Variants in PDE4D observed in about 807,000 individuals in gnomAD.
PDE4D encodes phosphodiesterase 4D.
Under a neutral mutation model 87.4 loss-of-function variants are expected in PDE4D, and 24 were observed. That is an observed-to-expected ratio of 0.27 (90% CI 0.20 to 0.39). The LOEUF is 0.39. Among genes scored for constraint, PDE4D ranks in the 10% least tolerant of loss-of-function variants. PDE4D has a pLI of 1.00. For missense variants in PDE4D, 714 were observed against 1,041.0 expected (o/e 0.69, Z 4.32); for synonymous variants, 384 against 383.2 (o/e 1.00, Z -0.02).
chr5:59,329,924 T>C (rs1330401837), intron 1 of PDE4D, among the ~76,000 whole-genome samples: 1 of 152,212 alleles, frequency 6.6e-6, no homozygotes. Flanking sequence ...TTTGCAGATA[T>C]ATGACATTAA....
rs555156522 is a variant in PDE4D, at chr5:59,273,423, A to T, written c.456-57455T>A. 2.2e-3 allele frequency among the ~76,000 whole-genome samples: 316 copies of T among 144,242 alleles called. 4 individuals carry two copies. Among genetic ancestry groups the T allele is most frequent in the African/African-American group, 7.2e-3 (292 of 40,492 alleles). The allele number at this position is 144,242 out of a possible 152,430, so 94.6% of individuals were successfully genotyped here. ...TAATCTATATTGATTTTATACATGT[A>T]ATTAAATAAATAAATATAATAGATG... On this transcript the variant is annotated intron_variant, in intron 1 of 14. Transcript: ENST00000340635.
chr5:59,022,478 T>C (rs565630947), intron 6 of PDE4D, among the ~76,000 whole-genome samples: 5 of 152,290 alleles, frequency 3.3e-5, no homozygotes, highest in African/African-American at 1.2e-4. Flanking sequence ...ACACAACCTC[T>C]TAACAGGCTA....
chr5:59,236,689 T>C (rs774800756), intron 1 of PDE4D, among the ~76,000 whole-genome samples: 7 of 152,022 alleles, frequency 4.6e-5, no homozygotes, highest in Non-Finnish European at 1.0e-4. Context: ...CCACCTTCCT[T>C]GGTGGTGTCC....
At chr5:59,605,571 A>C (rs1467604166) in intron 1 of PDE4D, among the ~76,000 whole-genome samples, 1 of 152,164 alleles carries the variant, frequency 6.6e-6, no homozygotes, top group Admixed American at 6.6e-5. Flanking sequence ...AATTGATCTC[A>C]TTTATCCCAG....
At chr5:59,903,807 C>T (rs1752535481) in intron 3 of PDE4D, among the ~76,000 whole-genome samples, 1 of 152,154 alleles carries the variant, frequency 6.6e-6, no homozygotes, top group South Asian at 2.1e-4. Flanking sequence ...GTGTTCCCTG[C>T]CTGCCTCTCT....
chr5:59,052,314 T>G (rs1422701104), intron 5 of PDE4D, among the ~76,000 whole-genome samples: 1 of 152,194 alleles, frequency 6.6e-6, no homozygotes, highest in African/African-American at 2.4e-5. Context: ...CTGGCATTGT[T>G]TTCAGGTGTA....
At chr5:59,642,887 A>G (rs959142855) in intron 1 of PDE4D, among the ~76,000 whole-genome samples, 2 of 152,088 alleles carry the variant, frequency 1.3e-5, no homozygotes, top group African/African-American at 4.8e-5. Context: ...CTTCTAATAA[A>G]CTCTTGTTTA....
chr5:59,333,314 T>G (rs1475553795), intron 1 of PDE4D, among the ~76,000 whole-genome samples: 1 of 152,140 alleles, frequency 6.6e-6, no homozygotes, highest in Non-Finnish European at 1.5e-5. Flanking sequence ...CCTCAGGGAT[T>G]GTTATTAACT....
intron 1 of PDE4D, among the ~76,000 whole-genome samples, chr5:59,880,844 T>C (rs1236434426): frequency 1.3e-5 from 2 of 152,180 alleles, no homozygotes; most frequent in Non-Finnish European, 2.9e-5. Context: ...TTCTGAAATA[T>C]TGCTATAGTG....
chr5:59,892,903 CACACA>C (rs2152755832), intron 1 of PDE4D, among the ~76,000 whole-genome samples: 1 of 63,306 alleles, frequency 1.6e-5, no homozygotes, highest in East Asian at 2.6e-4. Context: ...GCACCACACA[CACACA>C]CACACACACA....
chr5:59,107,389 A>G (rs1176916565), intron 5 of PDE4D, among the ~76,000 whole-genome samples: 1 of 152,114 alleles, frequency 6.6e-6, no homozygotes, highest in Non-Finnish European at 1.5e-5. Flanking sequence ...TTGCATTTTT[A>G]GTAGAGACGG....
At chr5:59,284,613 G>A (rs1488272389) in intron 1 of PDE4D, among the ~76,000 whole-genome samples, 2 of 137,076 alleles carry the variant, frequency 1.5e-5, no homozygotes, top group African/African-American at 2.8e-5. Context: ...CACTGTTGGT[G>A]GGACTGTAAA....
Position 60,131,926 on chromosome 5 carries a change from C to T in PDE4D, c.42+53631G>A, listed in dbSNP as rs1779628234. Among the ~76,000 whole-genome samples, 8 of 152,264 alleles carry T rather than the reference C, an allele frequency of 5.3e-5. 1 individual carries two copies. The South Asian group carries it at 1.7e-3, about 32-fold the overall frequency. On this transcript the variant is annotated intron_variant, in intron 2 of 16. Transcript: ENST00000502484. ...TATTAGGGCTTCTTCTTGGGTGTAG[C>T]TCCCTCTACAAATATTCTCTGCAAT...
intron 2 of PDE4D, among the ~76,000 whole-genome samples, chr5:60,134,515 T>C (rs1301379883): frequency 6.6e-6 from 1 of 152,086 alleles, no homozygotes; most frequent in Non-Finnish European, 1.5e-5. Flanking sequence ...AAAAACAAAC[T>C]AAAAACAACA....
intron 1 of PDE4D, among the ~76,000 whole-genome samples, chr5:59,780,102 G>A (rs1764463612): frequency 6.6e-6 from 1 of 152,140 alleles, no homozygotes; most frequent in South Asian, 2.1e-4. Flanking sequence ...GGTGGCTCAC[G>A]CCTGTAATCC....
intron 1 of PDE4D, among the ~76,000 whole-genome samples, chr5:59,738,154 G>C (rs1483728352): frequency 6.6e-6 from 1 of 152,062 alleles, no homozygotes; most frequent in African/African-American, 2.4e-5. Flanking sequence ...TTAAATAAAT[G>C]TCTCAATTTT....
At chr5:59,260,276 G>A (rs376508156) in intron 1 of PDE4D, among the ~76,000 whole-genome samples, 2 of 151,752 alleles carry the variant, frequency 1.3e-5, no homozygotes, top group Non-Finnish European at 2.9e-5. Context: ...GACTTGCCTC[G>A]AAGGCTGGGA....
At chr5:60,464,748 T>C (rs1251403402) in intron 1 of PDE4D, among the ~76,000 whole-genome samples, 2 of 152,092 alleles carry the variant, frequency 1.3e-5, no homozygotes, top group African/African-American at 4.8e-5. Flanking sequence ...TACCCAAATT[T>C]CCACTCATCA....
intron 1 of PDE4D, among the ~76,000 whole-genome samples, chr5:59,764,313 T>G (rs1185834134): frequency 6.6e-6 from 1 of 152,200 alleles, no homozygotes; most frequent in Non-Finnish European, 1.5e-5. Flanking sequence ...GGTCCAGCCC[T>G]GTGAAACCAC....
Sources: allele counts gnomAD v4.1 joint callset (sites outside exome capture counted in the v4.1 genomes callset), GRCh38; gene constraint gnomAD v4.1.1; transcripts MANE v1.5; gene names NCBI Gene and HGNC (gene_info 2026-07-23, HGNC 2026-07-21).